Variants in CPNE5 observed in about 807,000 individuals in gnomAD.
The protein encoded by CPNE5 is copine 5.
Under a neutral mutation model 81.1 loss-of-function variants are expected in CPNE5, and 42 were observed. The observed-to-expected ratio is 0.52, with a 90% confidence interval of 0.40 to 0.67. The LOEUF (loss-of-function observed/expected upper bound fraction) is 0.67. Among genes scored for constraint, CPNE5 ranks in the 30% least tolerant of loss-of-function variants. CPNE5 has a pLI of 0.00. For missense variants in CPNE5, 612 were observed against 815.5 expected (o/e 0.75, Z 3.04); for synonymous variants, 313 against 321.5 (o/e 0.97, Z 0.28).
In CPNE5 at chr6:36,741,972, C is replaced by T. The variant is rs879757131; in HGVS notation, c.*296G>A. On this transcript the variant is annotated 3_prime_UTR_variant, in exon 21 of 21. Coordinates refer to ENST00000244751, the MANE Select transcript of CPNE5 (RefSeq NM_020939.2). ...GGGGGTGGGCGACAGGGACCCCAAT[C>T]ACCCTTATTGTTTACACCTTCCTGG... 2.7e-6 allele frequency: 1 copy of T among 370,318 alleles called. No homozygotes were observed. Among genetic ancestry groups the T allele is most frequent in the Non-Finnish European group, 4.8e-6 (1 of 206,930 alleles). The allele number at this position is 370,318 out of a possible 1,614,324, so 22.9% of individuals were successfully genotyped here.
chr6:36,799,020 G>C (rs35868233), intron 4 of CPNE5, among the ~76,000 whole-genome samples: 1 of 152,242 alleles, frequency 6.6e-6, no homozygotes, highest in South Asian at 2.1e-4. Flanking sequence ...CTTCACCTCA[G>C]CTGGCTGCAG....
intron 10 of CPNE5, among the ~76,000 whole-genome samples, chr6:36,768,325 C>G (rs236426): frequency 1.4e-5 from 2 of 148,010 alleles, no homozygotes; most frequent in Non-Finnish European, 3.0e-5. Flanking sequence ...ACCTCCACCT[C>G]CTGGGTTCAA....
rs780548668 is a variant in CPNE5 at position 36,794,150 on chromosome 6, C to A, written c.464+440G>T. 1.6e-3 allele frequency among the ~76,000 whole-genome samples: 212 copies of A among 135,328 alleles called. 3 individuals carry two copies. Among genetic ancestry groups the A allele is most frequent in the Admixed American group, 4.2e-3 (46 of 10,960 alleles). 88.8% of individuals were successfully genotyped at this position (135,328 alleles called of 152,430 possible). ...TGGTGAGGAGGAGGCGGACATCCAG[C>A]AGCCAAAACAAGGGAGGGGAACAGG... On this transcript the variant is annotated intron_variant, in intron 7 of 20. Coordinates refer to ENST00000244751, the MANE Select transcript of CPNE5 (RefSeq NM_020939.2).
At chr6:36,774,896 C>A in intron 10 of CPNE5, 65 bp downstream of exon 10, 1 of 1,264,640 alleles carries the variant, frequency 7.9e-7, no homozygotes, top group Non-Finnish European at 1.1e-6. Flanking sequence ...TGGGGCCACC[C>A]TCACTTGTGC....
At chr6:36,770,859 A>AT (rs1158493894) in intron 10 of CPNE5, among the ~76,000 whole-genome samples, 1 of 152,036 alleles carries the variant, frequency 6.6e-6, no homozygotes, top group Non-Finnish European at 1.5e-5. Context: ...AAGAAGGATA[A>AT]TTTTTTTAAA....
intron 10 of CPNE5, among the ~76,000 whole-genome samples, chr6:36,772,413 C>T (rs555732684): frequency 1.3e-5 from 2 of 152,298 alleles, no homozygotes; most frequent in African/African-American, 4.8e-5. Flanking sequence ...GCCCCAGGAG[C>T]CAGCTAGATG....
chr6:36,818,207 T>G (rs1199632529), intron 3 of CPNE5, among the ~76,000 whole-genome samples: 1 of 152,102 alleles, frequency 6.6e-6, no homozygotes, highest in African/African-American at 2.4e-5. Context: ...CAAATTCCAT[T>G]TAAAAAAATC....
intron 5 of CPNE5, 103 bp downstream of exon 5, chr6:36,798,352 G>A (rs188522477): frequency 3.7e-5 from 55 of 1,493,936 alleles, no homozygotes; most frequent in African/African-American, 1.4e-4. Context: ...ATGACAGGAC[G>A]CAGCGTCGGA....
At chr6:36,745,657 G>T in intron 16 of CPNE5, 142 bp from the exon 17 acceptor site, 1 of 916,994 alleles carries the variant, frequency 1.1e-6, no homozygotes, top group Non-Finnish European at 1.6e-6. Context: ...GGGCAGGGGA[G>T]GGAGCTCCCA....
At chr6:36,815,675 A>T (rs1458204445) in intron 3 of CPNE5, among the ~76,000 whole-genome samples, 1 of 152,288 alleles carries the variant, frequency 6.6e-6, no homozygotes, top group Non-Finnish European at 1.5e-5. Context: ...TGCCCAACAC[A>T]TGCTCACAGA....
At chr6:36,795,265 A>T (rs1241731416) in intron 6 of CPNE5, among the ~76,000 whole-genome samples, 2 of 151,932 alleles carry the variant, frequency 1.3e-5, no homozygotes, top group African/African-American at 4.8e-5. Flanking sequence ...CGCAACCTCC[A>T]CCTACCAGGT....
chr6:36,795,174 T>A (rs1459268662), intron 6 of CPNE5, among the ~76,000 whole-genome samples: 2 of 152,186 alleles, frequency 1.3e-5, no homozygotes, highest in African/African-American at 4.8e-5. Flanking sequence ...CTTTTTTATT[T>A]TTTTATTTTC....
intron 8 of CPNE5, among the ~76,000 whole-genome samples, chr6:36,782,080 A>G (rs2150477279): frequency 6.6e-6 from 1 of 152,294 alleles, no homozygotes; most frequent in South Asian, 2.1e-4. Context: ...TAGGTGCCAC[A>G]TGGGGAACAC....
intron 3 of CPNE5, among the ~76,000 whole-genome samples, chr6:36,811,604 T>C (rs1053308625): frequency 1.3e-5 from 2 of 152,166 alleles, no homozygotes; most frequent in Non-Finnish European, 1.5e-5. Context: ...AGCAAATAGA[T>C]CTATCAGCCA....
In CPNE5 at chr6:36,745,445, C is replaced by A. The variant is rs147728429; in HGVS notation, c.1271G>T (p.Arg424Leu). The A allele has an allele frequency of 1.2e-6, 2 of 1,604,804 alleles. No individual in the cohort carries two copies. The highest frequency in any genetic ancestry group is 2.2e-5 in the East Asian group (1 of 44,486). Residue 424 changes from arginine (R) to leucine (L), a missense_variant, in exon 17 of 21, where the codon CGC becomes CTC. Physicochemically the swap from Arg to Leu is moderately radical, Grantham distance 102. Transcript: ENST00000244751. Reference sequence around the variant, plus strand: ...GGTGGGGCCGTACAGCTGCACAGTGCGCAGGCTGCGGTGGTAGGCCTCCAG... The same window carrying A: ...GGTGGGGCCGTACAGCTGCACAGTGAGCAGGCTGCGGTGGTAGGCCTCCAG... ...GILEAYHRSL[R>L]TVQLYGPTNF...
intron 3 of CPNE5, among the ~76,000 whole-genome samples, chr6:36,806,094 G>A (rs974426264): frequency 6.6e-6 from 1 of 152,134 alleles, no homozygotes; most frequent in African/African-American, 2.4e-5. Context: ...CAACTATTGG[G>A]CCAGGAGGGG....
At chr6:36,819,087 T>G (rs752969154) in intron 3 of CPNE5, among the ~76,000 whole-genome samples, 18 of 152,220 alleles carry the variant, frequency 1.2e-4, no homozygotes, top group Non-Finnish European at 2.4e-4. Flanking sequence ...GAAATATTTC[T>G]CACATTTTTT....
At chr6:36,793,884 C>T (rs1402578629) in intron 7 of CPNE5, among the ~76,000 whole-genome samples, 5 of 152,188 alleles carry the variant, frequency 3.3e-5, no homozygotes, top group African/African-American at 1.2e-4. Context: ...GCAGAGGTTC[C>T]CTGCCCTGCA....
chr6:36,757,497 G>T (rs918656430), intron 12 of CPNE5: 29 of 404,180 alleles, frequency 7.2e-5, no homozygotes, highest in Non-Finnish European at 9.0e-5. Context: ...TTAGAAACCA[G>T]GTTTCCTGCC....
Sources: gnomAD v4.1 joint callset for allele counts (sites outside exome capture counted in the v4.1 genomes callset) on GRCh38, gnomAD v4.1.1 for gene constraint, MANE v1.5 for transcripts, NCBI Gene and HGNC (gene_info 2026-07-23, HGNC 2026-07-21) for gene names.